The following SMARCA2 variants were observed in gnomAD, a reference collection of about 807,000 sequenced individuals.
SMARCA2 encodes SWI/SNF-related matrix-associated actin-dependent regulator of chromatin subfamily A member 2.
Under a neutral mutation model 199.8 loss-of-function variants are expected in SMARCA2, and 61 were observed. That is an observed-to-expected ratio of 0.31 (90% CI 0.25 to 0.38). The LOEUF is 0.38. Ranked by LOEUF, SMARCA2 falls within the 10% of genes least tolerant of loss-of-function variation. The pLI, the probability that SMARCA2 is intolerant of heterozygous loss-of-function variation, is 1.00. For synonymous variants in SMARCA2, 935 were observed against 732.0 expected (o/e 1.28, Z -4.48); for missense variants, 1,344 against 2,012.2 (o/e 0.67, Z 6.35).
At chr9:2,080,870 C>T in intron 14 of SMARCA2, among the ~76,000 whole-genome samples, 1 of 152,180 alleles carries the variant, frequency 6.6e-6, no homozygotes, top group South Asian at 2.1e-4. Context: ...ATTGTTTTCT[C>T]TTTTATTTGA....
chr9:2,182,770 C>A (rs1040734910), intron 31 of SMARCA2, among the ~76,000 whole-genome samples: 3 of 149,230 alleles, frequency 2.0e-5, no homozygotes, highest in Non-Finnish European at 4.4e-5. Flanking sequence ...GTTGGGATTA[C>A]AGGCATGAGC....
At chr9:2,186,021 G>A in intron 31 of SMARCA2, 75 bp from the exon 32 acceptor site, 1 of 1,372,544 alleles carries the variant, frequency 7.3e-7, no homozygotes, top group South Asian at 1.3e-5. Context: ...TTAAGCTGGT[G>A]TATTGCATAA....
At chr9:2,186,864 T>TA (rs35706039) in intron 32 of SMARCA2, among the ~76,000 whole-genome samples, 79,677 of 152,052 alleles carry the variant, frequency 0.52, 21,804 homozygotes, top group Admixed American at 0.6. Flanking sequence ...AATATTAGCC[T>TA]ACTACACATT....
intron 27 of SMARCA2, among the ~76,000 whole-genome samples, chr9:2,141,462 G>A (rs894315812): frequency 3.9e-5 from 6 of 151,950 alleles, no homozygotes; most frequent in African/African-American, 1.5e-4. Context: ...TGTGCATAAT[G>A]TAATGGCACA....
chr9:2,184,353 CTTTTTTT>C (rs1199876121), intron 31 of SMARCA2, among the ~76,000 whole-genome samples: 8 of 129,422 alleles, frequency 6.2e-5, no homozygotes, highest in African/African-American at 8.9e-5. Flanking sequence ...AGGATAATAT[CTTTTTTT>C]TTTTTTTTTT....
rs1818946389 is a variant in SMARCA2 at position 2,028,938 on chromosome 9, T to C, written c.-36-49T>C. 1.5e-5 allele frequency: 22 copies of C among 1,428,372 alleles called. 1 individual carries two copies. Among genetic ancestry groups the C allele is most frequent in the Middle Eastern group, 2.4e-4 (1 of 4,150 alleles). The allele number at this position is 1,428,372 out of a possible 1,614,324, so 88.5% of individuals were successfully genotyped here. On this transcript the variant is annotated intron_variant, in intron 1 of 33. Coordinates refer to ENST00000349721, the MANE Select transcript of SMARCA2 (RefSeq NM_003070.5). The stretch of plus-strand genomic sequence containing the variant: ...GCTAACAATTGTTTTATTCTGGTCT[T>C]AACATCATGTTTAAAACATGCCTTC...
intron 32 of SMARCA2, among the ~76,000 whole-genome samples, chr9:2,190,516 G>C (rs1353980644): frequency 6.6e-6 from 1 of 152,208 alleles, no homozygotes; most frequent in African/African-American, 2.4e-5. Flanking sequence ...ATATGGACAT[G>C]TATAAAGATC....
intron 12 of SMARCA2, 107 bp from the exon 13 acceptor site, chr9:2,076,122 C>G: frequency 3.0e-6 from 2 of 672,480 alleles, no homozygotes; most frequent in Non-Finnish European, 5.3e-6. Context: ...TATGATCTTA[C>G]TTCATTTGTG....
chr9:2,114,294 T>G (rs1300345259), intron 24 of SMARCA2, among the ~76,000 whole-genome samples: 2 of 152,248 alleles, frequency 1.3e-5, no homozygotes, highest in Non-Finnish European at 2.9e-5. Context: ...CTATGATATT[T>G]ATATTAACTT....
chr9:2,047,209 A>AT lies in SMARCA2; in HGVS notation c.791-19dup. 2.0e-6 allele frequency: 2 copies of AT among 1,011,272 alleles called. No homozygotes were observed. Among genetic ancestry groups the AT allele is most frequent in the South Asian group, 9.1e-5 (2 of 21,862 alleles). The allele number at this position is 1,011,272 out of a possible 1,614,324, so 62.6% of individuals were successfully genotyped here. A position where few individuals can be genotyped will look rare whatever the true frequency, so the allele number is the denominator to read the frequency against. On this transcript the variant is annotated intron_variant, in intron 4 of 33. Transcript: ENST00000349721. The stretch of plus-strand genomic sequence containing the variant: ...GGGCGCCGTCCCGCCCGAGCTGCCC[A>AT]TGTCGCTCTTGTCCCGCAGGCCCGG...
chr9:2,116,659 A>C (rs969930548), intron 25 of SMARCA2, among the ~76,000 whole-genome samples: 2 of 152,222 alleles, frequency 1.3e-5, no homozygotes, highest in African/African-American at 4.8e-5. Context: ...TGCTTTGATT[A>C]GGTTTTTATT....
At chr9:2,064,980 C>T (rs768614908) in intron 9 of SMARCA2, among the ~76,000 whole-genome samples, 61 of 152,248 alleles carry the variant, frequency 4.0e-4, no homozygotes, top group East Asian at 3.9e-3. Context: ...GTCAGGAGAT[C>T]GAGACCATCC....
chr9:2,072,350 C>T (rs1457698217), intron 10 of SMARCA2, among the ~76,000 whole-genome samples: 5 of 152,182 alleles, frequency 3.3e-5, no homozygotes, highest in South Asian at 2.1e-4. Flanking sequence ...AGCAGTCATT[C>T]GTTACTGATT....
chr9:2,181,394 T>G, intron 29 of SMARCA2, 177 bp from the exon 30 acceptor site: 1 of 518,330 alleles, frequency 1.9e-6, no homozygotes, highest in Non-Finnish European at 3.4e-6. Flanking sequence ...ATCTTAAAAT[T>G]ATCACAAGGG....
rs190292907 is a variant in SMARCA2, at chr9:2,064,207, T to C, written c.1692+3221T>C. ...GCTGAATTAGAAAATTGGACCACTG[T>C]CTGAGTCGTGTTAGCAGGTAATCTT... On this transcript the variant is annotated intron_variant, in intron 9 of 33. Coordinates refer to ENST00000349721, the MANE Select transcript of SMARCA2 (RefSeq NM_003070.5). Among the ~76,000 whole-genome samples the C allele has an allele frequency of 3.9e-5, 6 of 152,376 alleles. No individual in the cohort carries two copies. The East Asian group carries it at 7.7e-4, about 20-fold the overall frequency.
rs1822660065 is a variant in SMARCA2 at position 2,104,335 on chromosome 9, A to G, written c.3292+166A>G. On this transcript the variant is annotated intron_variant, in intron 23 of 33. Coordinates refer to ENST00000349721, the MANE Select transcript of SMARCA2 (RefSeq NM_003070.5). This position sits in a 1 kb window ranked among gnomAD's most constrained non-coding sequence, Gnocchi z 4.0. ...GCAATTTTTTGCATCCTTAAGCTTT[A>G]AATAAGCTGACCTCATTTGTGCAGC... Among the ~76,000 whole-genome samples the G allele has an allele frequency of 6.6e-6, 1 of 152,202 alleles. No individual in the cohort carries two copies. The highest frequency in any genetic ancestry group is 2.4e-5 in the African/African-American group (1 of 41,458).
intron 19 of SMARCA2, among the ~76,000 whole-genome samples, chr9:2,092,609 G>C (rs928371179): frequency 1.5e-4 from 23 of 152,264 alleles, no homozygotes; most frequent in African/African-American, 5.5e-4. Flanking sequence ...TTCTACAGGG[G>C]TATATAAGAA....
At position 2,150,523 on chromosome 9, in the gene SMARCA2, T is replaced by G. The variant is rs180705454; in HGVS notation, c.3982-11163T>G. Among the ~76,000 whole-genome samples the G allele has an allele frequency of 2.1e-3, 314 of 151,638 alleles. 3 individuals carry two copies. The highest frequency in any genetic ancestry group is 0.018 in the Admixed American group (269 of 15,248). The stretch of plus-strand genomic sequence containing the variant: ...GTGGGTGGGGCAGTTTCCCTTAGAT[T>G]ATAGGATGGCAGGAAAGATAAAGCC... On this transcript the variant is annotated intron_variant, in intron 27 of 33. Transcript: ENST00000349721.
chr9:2,159,274 C>G (rs551875967), intron 27 of SMARCA2, among the ~76,000 whole-genome samples: 2 of 152,202 alleles, frequency 1.3e-5, no homozygotes, highest in East Asian at 3.9e-4. Context: ...CAGCATGAAA[C>G]TGAAAGTGAA....
Sources: allele counts gnomAD v4.1 joint callset (sites outside exome capture counted in the v4.1 genomes callset), GRCh38; gene constraint gnomAD v4.1.1; non-coding constraint Gnocchi (gnomAD v3.1); transcripts MANE v1.5; gene names NCBI Gene and HGNC (gene_info 2026-07-23, HGNC 2026-07-21).